The following GALNT18 variants were observed in gnomAD, a reference collection of about 807,000 sequenced individuals.
GALNT18 encodes GalNAc-transferase 18.
GALNT18 carries 44 observed loss-of-function variants against 69.5 expected under a neutral mutation model. The ratio of observed to expected loss-of-function variants is 0.63; its 90% CI spans 0.50 to 0.81. GALNT18 has a LOEUF of 0.81. Among genes scored for constraint, GALNT18 ranks in the 40% least tolerant of loss-of-function variants. GALNT18 has a pLI of 0.00. For missense variants in GALNT18, 715 were observed against 810.0 expected, an observed-to-expected ratio of 0.88 and a Z score of 1.42; for synonymous variants, 364 against 318.2, an observed-to-expected ratio of 1.14 and a Z score of -1.53.
intron 3 of GALNT18, among the ~76,000 whole-genome samples, chr11:11,381,339 G>A (rs918337088): frequency 6.6e-6 from 1 of 152,098 alleles, no homozygotes; most frequent in Admixed American, 6.6e-5. Context: ...GTGAGAACTG[G>A]GCTAGTACCA....
intron 1 of GALNT18, among the ~76,000 whole-genome samples, chr11:11,498,616 C>T (rs1312077830): frequency 4.6e-5 from 7 of 152,018 alleles, no homozygotes; most frequent in African/African-American, 1.2e-4. Flanking sequence ...CTGGGCAACA[C>T]GGTGAAACCT....
At position 11,619,034 on chromosome 11, in the gene GALNT18, A is replaced by C. The variant is rs922708119; in HGVS notation, c.235+2325T>G. On this transcript the variant is annotated intron_variant, in intron 1 of 10. Coordinates refer to ENST00000227756, the MANE Select transcript of GALNT18 (RefSeq NM_198516.3). The surrounding 1 kb of genome is among the most constrained non-coding windows in gnomAD (Gnocchi z 4.9). The stretch of plus-strand genomic sequence containing the variant: ...CAGCCCCAAATTTTATAGGCCCTTT[A>C]CCTCTGTTTCCTAAATCCCAGCTCA... Among the ~76,000 whole-genome samples the C allele has an allele frequency of 3.3e-5, 5 of 152,024 alleles. No individual in the cohort carries two copies. Among genetic ancestry groups the C allele is most frequent in the African/African-American group, 1.2e-4 (5 of 41,370 alleles).
At chr11:11,351,852 G>A (rs1156894087) in intron 6 of GALNT18, 4 of 970,424 alleles carry the variant, frequency 4.1e-6, no homozygotes, top group South Asian at 1.6e-5. Flanking sequence ...TGCTTCTGAA[G>A]TGTTTCACCC....
At chr11:11,581,349 C>T (rs1459248580) in intron 1 of GALNT18, among the ~76,000 whole-genome samples, 1 of 152,212 alleles carries the variant, frequency 6.6e-6, no homozygotes, top group Admixed American at 6.5e-5. Flanking sequence ...TACACAAAGA[C>T]TCTAAACAGA....
chr11:11,290,827 G>A (rs954014386), intron 10 of GALNT18, among the ~76,000 whole-genome samples: 1 of 152,080 alleles, frequency 6.6e-6, no homozygotes, highest in African/African-American at 2.4e-5. Context: ...GTAGAAAATG[G>A]TCCCTTGTGA....
At chr11:11,530,224 C>T (rs1204088722) in intron 1 of GALNT18, among the ~76,000 whole-genome samples, 1 of 152,066 alleles carries the variant, frequency 6.6e-6, no homozygotes, top group Non-Finnish European at 1.5e-5. Flanking sequence ...GGGGAAGGGG[C>T]CCCTGGATTC....
intron 6 of GALNT18, chr11:11,351,983 A>T: frequency 3.1e-6 from 5 of 1,610,364 alleles, no homozygotes; most frequent in Non-Finnish European, 4.2e-6. Flanking sequence ...CAGGCATCCC[A>T]AGGGGGTTGG....
intron 1 of GALNT18, among the ~76,000 whole-genome samples, chr11:11,521,419 C>T (rs1857396804): frequency 6.6e-6 from 1 of 152,134 alleles, no homozygotes; most frequent in South Asian, 2.1e-4. Context: ...CCTCATCCCT[C>T]ATCCTTTAAT....
chr11:11,589,969 G>C (rs1315296836), intron 1 of GALNT18, among the ~76,000 whole-genome samples: 2 of 152,194 alleles, frequency 1.3e-5, no homozygotes, highest in African/African-American at 4.8e-5. Flanking sequence ...GCCCTGCAAA[G>C]AATCCAGATC....
chr11:11,316,445 G>A (rs142165203), intron 9 of GALNT18, among the ~76,000 whole-genome samples: 496 of 152,264 alleles, frequency 3.3e-3, no homozygotes, highest in African/African-American at 0.011. Flanking sequence ...ATGCCCCTGC[G>A]GACACTGGGG....
intron 1 of GALNT18, among the ~76,000 whole-genome samples, chr11:11,457,965 T>C (rs1009682046): frequency 1.3e-5 from 2 of 152,202 alleles, no homozygotes; most frequent in African/African-American, 4.8e-5. Flanking sequence ...CAGGAGAAAC[T>C]AGGTCAGGCA....
At chr11:11,317,469 T>C (rs1178410545) in intron 9 of GALNT18, among the ~76,000 whole-genome samples, 1 of 152,222 alleles carries the variant, frequency 6.6e-6, no homozygotes, top group African/African-American at 2.4e-5. Context: ...TGGTTTTGAT[T>C]TGCATTTCTC....
intron 9 of GALNT18, among the ~76,000 whole-genome samples, chr11:11,293,697 A>G (rs746855214): frequency 1.3e-5 from 2 of 151,868 alleles, no homozygotes; most frequent in Non-Finnish European, 2.9e-5. Flanking sequence ...GCGCACCACC[A>G]TGCCCGGCTA....
At position 11,377,122 on chromosome 11, in the gene GALNT18, T is replaced by G. The variant is rs1277875808; in HGVS notation, c.977+60A>C. ...AGTTGGAGAATAAGCATTGGACCAG[T>G]AGGCGGTCCCTAGCCTGGAGGTCAA... On this transcript the variant is annotated intron_variant, in intron 5 of 10. Transcript: ENST00000227756. This position sits in a 1 kb window ranked among gnomAD's most constrained non-coding sequence, Gnocchi z 4.6. 5.3e-6 allele frequency: 8 copies of G among 1,501,776 alleles called. No homozygotes were observed. The highest frequency in any genetic ancestry group is 6.5e-6 in the Non-Finnish European group (7 of 1,084,430). The allele number at this position is 1,501,776 out of a possible 1,614,324, so 93.0% of individuals were successfully genotyped here. A position where few individuals can be genotyped will look rare whatever the true frequency, so the allele number is the denominator to read the frequency against.
At chr11:11,528,653 G>GT (rs1857572937) in intron 1 of GALNT18, among the ~76,000 whole-genome samples, 1 of 152,204 alleles carries the variant, frequency 6.6e-6, no homozygotes, top group South Asian at 2.1e-4. Flanking sequence ...GCAAGACTGA[G>GT]AACAAGGGAA....
chr11:11,422,597 T>C (rs899069210), intron 3 of GALNT18, among the ~76,000 whole-genome samples: 1 of 152,102 alleles, frequency 6.6e-6, no homozygotes, highest in African/African-American at 2.4e-5. Context: ...TGTTGGACCA[T>C]TCTTTTCCTC....
At chr11:11,286,318 G>A (rs1006438066) in intron 10 of GALNT18, among the ~76,000 whole-genome samples, 4 of 152,200 alleles carry the variant, frequency 2.6e-5, no homozygotes, top group Admixed American at 1.3e-4. Flanking sequence ...GAGGTGATCG[G>A]AAGAAGTGCG....
intron 6 of GALNT18, among the ~76,000 whole-genome samples, chr11:11,361,062 G>C (rs887948110): frequency 1.3e-5 from 2 of 152,220 alleles, no homozygotes; most frequent in Non-Finnish European, 2.9e-5. Flanking sequence ...AACATGGTAA[G>C]GTGGTTGTCT....
chr11:11,594,805 A>G (rs1339745250), intron 1 of GALNT18, among the ~76,000 whole-genome samples: 2 of 136,044 alleles, frequency 1.5e-5, no homozygotes, highest in Non-Finnish European at 3.1e-5. Context: ...TGTGTTTTCA[A>G]TTATCTTGGG....
Sources: allele counts gnomAD v4.1 joint callset (sites outside exome capture counted in the v4.1 genomes callset), GRCh38; gene constraint gnomAD v4.1.1; non-coding constraint Gnocchi (gnomAD v3.1); transcripts MANE v1.5; gene names NCBI Gene and HGNC (gene_info 2026-07-23, HGNC 2026-07-21).